Variants in ETV4 observed in about 807,000 individuals in gnomAD.
ETV4 encodes the protein ETS variant transcription factor 4.
Under a neutral mutation model 65.9 loss-of-function variants are expected in ETV4, and 42 were observed. That is an observed-to-expected ratio of 0.64 (90% confidence interval 0.50 to 0.82). ETV4 has a LOEUF of 0.82. ETV4 is among the 40% of genes least tolerant of loss of function. The pLI is 0.00. For missense variants in ETV4, 583 were observed against 630.3 expected (o/e 0.92, Z 0.80); for synonymous variants, 238 against 260.0 (o/e 0.92, Z 0.81).
chr17:43,532,652 C>G, intron 8 of ETV4, 22 bp downstream of exon 8: 1 of 1,600,606 alleles, frequency 6.2e-7, no homozygotes, highest in Non-Finnish European at 8.5e-7. Flanking sequence ...ACATGCCACC[C>G]TGCCCCACCC....
chr17:43,542,664 A>G (rs550007212), intron 4 of ETV4, among the ~76,000 whole-genome samples: 2 of 151,988 alleles, frequency 1.3e-5, no homozygotes, highest in Admixed American at 6.6e-5. Context: ...ATAAAGCCGC[A>G]CTCACACTCA....
At chr17:43,544,373 C>T (rs1030325807) in intron 4 of ETV4, 1 of 152,870 alleles carries the variant, frequency 6.5e-6, no homozygotes, top group African/African-American at 2.4e-5. Context: ...GGGAGGAACA[C>T]TTGCTATTAG....
At chr17:43,542,683 C>T (rs1313120415) in intron 4 of ETV4, among the ~76,000 whole-genome samples, 2 of 152,154 alleles carry the variant, frequency 1.3e-5, no homozygotes, top group South Asian at 2.1e-4. Flanking sequence ...CACCCTTCAA[C>T]GCCCGGACGC....
In ETV4 at chr17:43,545,268, C is replaced by T; in HGVS notation, c.154+6G>A. On this transcript the variant is annotated splice_donor_region_variant and intron_variant, in intron 3 of 12. Coordinates refer to ENST00000319349, the MANE Select transcript of ETV4 (RefSeq NM_001079675.5). ...AGGGTCGCGGTTTGTCTCTCTTGCTCTTTACCTTCAGAGTCGAGGGGCGGC... is the reference window on the plus strand; with the variant it reads ...AGGGTCGCGGTTTGTCTCTCTTGCTTTTTACCTTCAGAGTCGAGGGGCGGC... The T allele has an allele frequency of 6.3e-7, 1 of 1,599,956 alleles. No individual in the cohort carries two copies. Among genetic ancestry groups the T allele is most frequent in the Non-Finnish European group, 8.5e-7 (1 of 1,172,762 alleles).
In ETV4 at chr17:43,536,274, G is replaced by A. The variant is rs1001882311; in HGVS notation, c.256+152C>T. ...ATGTCAAGCCCCAGATTTCAACCAAGGTTTTCATTCCAGTTATTGCCTTGG... is the reference window on the plus strand; with the variant it reads ...ATGTCAAGCCCCAGATTTCAACCAAAGTTTTCATTCCAGTTATTGCCTTGG... On this transcript the variant is annotated intron_variant, in intron 5 of 12. Transcript: ENST00000319349. 3.9e-5 allele frequency: 28 copies of A among 719,856 alleles called. No individual in the cohort carries two copies. In the Admixed American group the frequency reaches 6.3e-4, roughly 16 times the overall value. 44.6% of individuals were successfully genotyped at this position (719,856 alleles called of 1,614,324 possible).
chr17:43,534,079 G>A, intron 5 of ETV4, 94 bp from the exon 6 acceptor site: 1 of 1,313,124 alleles, frequency 7.6e-7, no homozygotes, highest in Non-Finnish European at 9.8e-7. Context: ...GGACCAGCTG[G>A]GTGACTGGTA....
In ETV4 at chr17:43,530,021, G is replaced by A. The variant is rs564593761; in HGVS notation, c.887-69C>T. On this transcript the variant is annotated intron_variant, in intron 9 of 12. Coordinates refer to ENST00000319349, the MANE Select transcript of ETV4 (RefSeq NM_001079675.5). The stretch of plus-strand genomic sequence containing the variant: ...GATGAGACCCCAGAGAGTCCAGAGG[G>A]ACTCCTGGCCAGGGAGACCCTCCCC... The A allele has an allele frequency of 2.5e-6, 4 of 1,609,328 alleles. No individual in the cohort carries two copies. In the South Asian group the frequency reaches 4.4e-5, roughly 18 times the overall value.
chr17:43,540,504 C>T (rs546481575), intron 4 of ETV4, among the ~76,000 whole-genome samples: 8 of 152,264 alleles, frequency 5.3e-5, no homozygotes, highest in Non-Finnish European at 7.4e-5. Context: ...TCCCCTCCTC[C>T]GGAGAGTCCC....
chr17:43,536,353 G>T, intron 5 of ETV4, 73 bp downstream of exon 5: 1 of 1,336,696 alleles, frequency 7.5e-7, no homozygotes, highest in Non-Finnish European at 1.1e-6. Flanking sequence ...GCTCTCTTGT[G>T]ATTCTCTATC....
chr17:43,542,788 C>A (rs574487411), intron 4 of ETV4, among the ~76,000 whole-genome samples: 1 of 152,214 alleles, frequency 6.6e-6, no homozygotes. Flanking sequence ...GACCCACCCA[C>A]ACTACCAGGA....
intron 5 of ETV4, 95 bp from the exon 6 acceptor site, chr17:43,534,080 G>A: frequency 7.6e-7 from 1 of 1,309,622 alleles, no homozygotes; most frequent in Non-Finnish European, 9.9e-7. Context: ...GACCAGCTGG[G>A]TGACTGGTAC....
At chr17:43,543,229 A>G (rs1400243815) in intron 4 of ETV4, among the ~76,000 whole-genome samples, 4 of 33,398 alleles carry the variant, frequency 1.2e-4, no homozygotes, top group Admixed American at 8.0e-4. Flanking sequence ...CTCCCCACCC[A>G]CTGGATTTAA....
intron 1 of ETV4, chr17:43,545,917 G>C: frequency 1.8e-6 from 1 of 541,864 alleles, no homozygotes; most frequent in South Asian, 2.0e-5. Context: ...CTTTACCCGG[G>C]CTCGGTTACA....
chr17:43,538,187 A>G (rs2154587199), intron 4 of ETV4, among the ~76,000 whole-genome samples: 1 of 151,552 alleles, frequency 6.6e-6, no homozygotes, highest in East Asian at 1.9e-4. Flanking sequence ...CACGCCTGTA[A>G]TCCCAACTAT....
At chr17:43,534,921 A>G (rs1971156941) in intron 5 of ETV4, among the ~76,000 whole-genome samples, 1 of 152,360 alleles carries the variant, frequency 6.6e-6, no homozygotes, top group African/African-American at 2.4e-5. Flanking sequence ...AGCCTGGGCA[A>G]CAAGAGTGAA....
intron 4 of ETV4, among the ~76,000 whole-genome samples, chr17:43,537,295 G>A (rs1003118280): frequency 6.6e-6 from 1 of 152,176 alleles, no homozygotes; most frequent in Non-Finnish European, 1.5e-5. Context: ...AACCTGGGAG[G>A]CAGAGGTTGC....
intron 8 of ETV4, 83 bp downstream of exon 8, chr17:43,532,591 G>C (rs1305723546): frequency 1.6e-6 from 2 of 1,279,754 alleles, no homozygotes; most frequent in East Asian, 2.4e-5. Flanking sequence ...ATGGTAAACA[G>C]CAATGTAAAA....
At chr17:43,529,699 G>A in intron 10 of ETV4, 23 bp from the exon 11 acceptor site, 1 of 1,599,946 alleles carries the variant, frequency 6.3e-7, no homozygotes, top group Non-Finnish European at 8.5e-7. Context: ...AAAATAGGAG[G>A]TGTGGGGTTT....
At chr17:43,544,664 T>G in intron 4 of ETV4, 1 of 257,420 alleles carries the variant, frequency 3.9e-6, no homozygotes, top group Non-Finnish European at 7.5e-6. Flanking sequence ...AAATGAAAAT[T>G]TCAACCAGGA....
Sources: allele counts gnomAD v4.1 joint callset (sites outside exome capture counted in the v4.1 genomes callset), GRCh38; gene constraint gnomAD v4.1.1; transcripts MANE v1.5; gene names NCBI Gene and HGNC (gene_info 2026-07-23, HGNC 2026-07-21).